Variants in TXK observed in about 807,000 individuals in gnomAD.
TXK encodes TXK tyrosine kinase.
In TXK, 60 loss-of-function variants were observed where a neutral mutation model predicts 81.0. That is an observed-to-expected ratio of 0.74 (90% CI 0.60 to 0.92). The LOEUF is 0.92. Ranked by LOEUF, TXK falls within the 40% of genes least tolerant of loss-of-function variation. The probability of loss-of-function intolerance (pLI) is 0.00; values close to 1 mark genes in which losing one functional copy is unlikely to be tolerated. For missense variants in TXK, 581 were observed against 638.3 expected (o/e 0.91, Z 0.97); for synonymous variants, 203 against 210.7 (o/e 0.96, Z 0.32).
intron 1 of TXK, among the ~76,000 whole-genome samples, chr4:48,121,395 A>T (rs893754775): frequency 1.3e-5 from 2 of 151,362 alleles, no homozygotes; most frequent in African/African-American, 4.9e-5. Context: ...GTCATCCTTG[A>T]CTCCTCTCTC....
intron 10 of TXK, among the ~76,000 whole-genome samples, chr4:48,083,605 A>G (rs937019237): frequency 8.5e-5 from 13 of 152,192 alleles, no homozygotes; most frequent in Admixed American, 6.5e-4. Flanking sequence ...TTTCTTACCT[A>G]TAAAGTTGGG....
intron 6 of TXK, among the ~76,000 whole-genome samples, chr4:48,100,265 A>T (rs1382617925): frequency 6.6e-6 from 1 of 152,036 alleles, no homozygotes. Context: ...CCAAAAGGCC[A>T]TAAGACAATA....
chr4:48,086,157 C>T (rs956237179), intron 10 of TXK, among the ~76,000 whole-genome samples: 1 of 152,240 alleles, frequency 6.6e-6, no homozygotes, highest in Non-Finnish European at 1.5e-5. Context: ...ACCCTCTTCA[C>T]AAGGCATTCT....
intron 11 of TXK, among the ~76,000 whole-genome samples, chr4:48,077,980 T>A (rs1717136114): frequency 6.6e-6 from 1 of 152,198 alleles, no homozygotes; most frequent in Admixed American, 6.5e-5. Flanking sequence ...ATGAGGCTCA[T>A]CAGGGGAATT....
rs372635417 is a variant in TXK at position 48,110,557 on chromosome 4, T to C, written c.427A>G (p.Thr143Ala). 10 of 1,610,890 alleles carry C rather than the reference T, an allele frequency of 6.2e-6. No homozygotes were observed. The highest frequency in any genetic ancestry group is 5.5e-5 in the South Asian group (5 of 90,830). ...PSNYVTENKI[T>A]NLEIYEWYHR... ...ACTTACTCATATATTTCTAAATTAG[T>C]TATTTTGTTTTCAGTCACATAGTTG... The change falls in exon 5 of 15, where the codon ACT becomes GCT. Residue 143 changes from threonine (T) to alanine (A), a missense_variant. Coordinates refer to ENST00000264316, the MANE Select transcript of TXK (RefSeq NM_003328.3).
chr4:48,077,624 C>G (rs544857603), intron 11 of TXK, among the ~76,000 whole-genome samples: 1 of 152,136 alleles, frequency 6.6e-6, no homozygotes, highest in South Asian at 2.1e-4. Context: ...CCTGCAGAGA[C>G]TAGGAAAGTG....
chr4:48,082,129 C>T (rs1560343216), intron 10 of TXK, among the ~76,000 whole-genome samples: 1 of 152,164 alleles, frequency 6.6e-6, no homozygotes, highest in Non-Finnish European at 1.5e-5. Flanking sequence ...GAAGCTCTAA[C>T]AATGTTTTGT....
intron 2 of TXK, among the ~76,000 whole-genome samples, chr4:48,113,674 T>C (rs959732135): frequency 1.3e-5 from 2 of 152,232 alleles, no homozygotes; most frequent in Non-Finnish European, 2.9e-5. Context: ...CATTTGATGG[T>C]GTCTTTTTGT....
At chr4:48,071,730 C>A in intron 13 of TXK, 56 bp from the exon 14 acceptor site, 1 of 1,583,342 alleles carries the variant, frequency 6.3e-7, no homozygotes, top group Non-Finnish European at 8.6e-7. Flanking sequence ...TGCTTGGGAA[C>A]TGAAAGAACA....
At chr4:48,090,350 C>T (rs184674162) in intron 8 of TXK, among the ~76,000 whole-genome samples, 52 of 152,244 alleles carry the variant, frequency 3.4e-4, no homozygotes, top group Middle Eastern at 3.4e-3. Flanking sequence ...CAGGTCAAAG[C>T]GTGTCCAGAA....
chr4:48,067,536 T>C lies in TXK; in HGVS notation c.*101A>G. 8.1e-7 allele frequency: 1 copy of C among 1,240,524 alleles called. No homozygotes were observed. Among genetic ancestry groups the C allele is most frequent in the Non-Finnish European group, 1.2e-6 (1 of 854,058 alleles). 76.8% of individuals were successfully genotyped at this position (1,240,524 alleles called of 1,614,324 possible). Reference sequence around the variant, plus strand: ...CACTGTTTTCAAGAGTCAGCAACTCTGAAGAAAGATATTCACCATAAGTGA... The same window carrying C: ...CACTGTTTTCAAGAGTCAGCAACTCCGAAGAAAGATATTCACCATAAGTGA... On this transcript the variant is annotated 3_prime_UTR_variant, in exon 15 of 15. Coordinates refer to ENST00000264316, the MANE Select transcript of TXK (RefSeq NM_003328.3).
chr4:48,081,882 A>G (rs1260810845), intron 10 of TXK, among the ~76,000 whole-genome samples: 1 of 152,160 alleles, frequency 6.6e-6, no homozygotes, highest in African/African-American at 2.4e-5. Context: ...TGATATAATA[A>G]TGTACACCAA....
rs565869261 is a variant in TXK at position 48,108,944 on chromosome 4, C to T, written c.446+1594G>A. 3.3e-5 allele frequency among the ~76,000 whole-genome samples: 5 copies of T among 152,296 alleles called. No individual in the cohort carries two copies. In the East Asian group the frequency reaches 9.6e-4, roughly 29 times the overall value. Reference sequence around the variant, plus strand: ...GTGTCCATTCACTAACCACCAGGCACTGTGTTAGCTACTTTCACAAATGTC... The same window carrying T: ...GTGTCCATTCACTAACCACCAGGCATTGTGTTAGCTACTTTCACAAATGTC... On this transcript the variant is annotated intron_variant, in intron 5 of 14. Coordinates refer to ENST00000264316, the MANE Select transcript of TXK (RefSeq NM_003328.3).
intron 1 of TXK, among the ~76,000 whole-genome samples, chr4:48,124,468 T>C (rs532256075): frequency 1.3e-5 from 2 of 152,218 alleles, no homozygotes; most frequent in African/African-American, 2.4e-5. Flanking sequence ...CCCTAGCTTC[T>C]AGCATCAGTG....
intron 5 of TXK, among the ~76,000 whole-genome samples, chr4:48,109,181 CT>C (rs35859877): frequency 0.036 from 5,244 of 144,192 alleles, 309 homozygotes; most frequent in African/African-American, 0.13. Flanking sequence ...TGTGGAACTG[CT>C]TTTTTTTTTT....
chr4:48,108,515 T>G (rs1484054319), intron 5 of TXK, among the ~76,000 whole-genome samples: 1 of 152,212 alleles, frequency 6.6e-6, no homozygotes, highest in Non-Finnish European at 1.5e-5. Context: ...CCCATTTCTA[T>G]ACACATGCTC....
At chr4:48,070,893 C>CTTTTTTTTTTT (rs11309334) in intron 14 of TXK, among the ~76,000 whole-genome samples, 3 of 84,336 alleles carry the variant, frequency 3.6e-5, no homozygotes, top group Non-Finnish European at 6.7e-5. Flanking sequence ...TCATTTAATT[C>CTTTTTTTTTTT]TTTTTTTTTT....
chr4:48,108,068 C>G (rs979518198), intron 5 of TXK, among the ~76,000 whole-genome samples: 1 of 150,698 alleles, frequency 6.6e-6, no homozygotes, highest in Non-Finnish European at 1.5e-5. Context: ...GAGACTCTGT[C>G]TCAAAAATAA....
intron 8 of TXK, among the ~76,000 whole-genome samples, chr4:48,091,474 G>A (rs1468390483): frequency 6.6e-6 from 1 of 152,010 alleles, no homozygotes; most frequent in African/African-American, 2.4e-5. Context: ...GTCCCAAGTA[G>A]GAGGGCACAG....
Sources: allele counts gnomAD v4.1 joint callset (sites outside exome capture counted in the v4.1 genomes callset), GRCh38; gene constraint gnomAD v4.1.1; transcripts MANE v1.5; gene names NCBI Gene and HGNC (gene_info 2026-07-23, HGNC 2026-07-21).